PIEZO2: variants seen among roughly 807,000 people sequenced by gnomAD.
The protein encoded by PIEZO2 is piezo type mechanosensitive ion channel component 2, also known as piezo-type mechanosensitive ion channel component 2.
In PIEZO2, 172 loss-of-function variants were observed where a neutral mutation model predicts 337.3. The observed-to-expected ratio is 0.51, with a 90% CI of 0.45 to 0.58. The LOEUF (loss-of-function observed/expected upper bound fraction) is 0.58, where lower values mean the gene tolerates loss of function less well. PIEZO2 is among the 20% of genes least tolerant of loss of function. The pLI is 0.00. For missense variants in PIEZO2, 3,028 were observed against 3,391.3 expected (o/e 0.89, Z 2.66); for synonymous variants, 1,251 against 1,228.5 (o/e 1.02, Z -0.38).
intron 1 of PIEZO2, among the ~76,000 whole-genome samples, chr18:11,100,915 G>C (rs1244351126): frequency 6.6e-6 from 1 of 152,110 alleles, no homozygotes; most frequent in Admixed American, 6.6e-5. Context: ...CTTTTATAAT[G>C]CTTCAACAAA....
intron 7 of PIEZO2, among the ~76,000 whole-genome samples, chr18:10,843,804 A>C (rs1273378841): frequency 1.3e-5 from 2 of 152,162 alleles, no homozygotes; most frequent in Non-Finnish European, 2.9e-5. Flanking sequence ...TGCATCCAAC[A>C]AGAGTAGCTC....
intron 3 of PIEZO2, among the ~76,000 whole-genome samples, chr18:10,931,435 G>A (rs915812930): frequency 2.0e-5 from 3 of 152,070 alleles, no homozygotes; most frequent in East Asian, 3.9e-4. Context: ...TCCTGACCTC[G>A]TGATCCGCCT....
At chr18:10,932,336 C>T (rs999804343) in intron 3 of PIEZO2, among the ~76,000 whole-genome samples, 8 of 152,060 alleles carry the variant, frequency 5.3e-5, no homozygotes, top group Non-Finnish European at 1.0e-4. Flanking sequence ...GTCGAGCCAG[C>T]AGTGAGCCAT....
At chr18:11,147,936 G>T (rs377699364) in intron 1 of PIEZO2, among the ~76,000 whole-genome samples, 1 of 152,244 alleles carries the variant, frequency 6.6e-6, no homozygotes, top group Non-Finnish European at 1.5e-5. Context: ...TATAGCCTTA[G>T]CATCCAGTAC....
Position 11,076,350 on chromosome 18 carries a change from A to G in PIEZO2, c.65-10128T>C, listed in dbSNP as rs138235706. ...AAACAAGACTTTTACAAGATAATAGATTATAAGGACTTGTATTAGAAAATC... is the reference window on the plus strand; with the variant it reads ...AAACAAGACTTTTACAAGATAATAGGTTATAAGGACTTGTATTAGAAAATC... On this transcript the variant is annotated intron_variant, in intron 1 of 55. Coordinates refer to ENST00000674853, the MANE Select transcript of PIEZO2 (RefSeq NM_001378183.1). Among the ~76,000 whole-genome samples, 815 of 152,360 alleles carry G rather than the reference A, an allele frequency of 5.3e-3. 7 individuals are homozygous for G. Among genetic ancestry groups the G allele is most frequent in the South Asian group, 0.022 (108 of 4,830 alleles).
chr18:11,080,017 T>A lies in PIEZO2; in HGVS notation c.65-13795A>T, dbSNP rs2038682999. 6.6e-6 allele frequency among the ~76,000 whole-genome samples: 1 copy of A among 152,114 alleles called. No homozygotes were observed. The highest frequency in any genetic ancestry group is 1.5e-5 in the Non-Finnish European group (1 of 68,016). On this transcript the variant is annotated intron_variant, in intron 1 of 55. Transcript: ENST00000674853. The surrounding 1 kb of genome is among the most constrained non-coding windows in gnomAD (Gnocchi z 5.4). ...GTCAATATCCACCATTTAGAGGAAG[T>A]TAAGGCTCAGAAGGATGCACACACT...
intron 2 of PIEZO2, among the ~76,000 whole-genome samples, chr18:11,011,756 C>T (rs985894363): frequency 1.3e-5 from 2 of 152,330 alleles, no homozygotes; most frequent in Admixed American, 6.5e-5. Flanking sequence ...GGCAGAGCTG[C>T]CCCTTGATGT....
intron 1 of PIEZO2, among the ~76,000 whole-genome samples, chr18:11,088,554 GTTAA>G (rs1409690341): frequency 2.0e-5 from 3 of 152,162 alleles, no homozygotes; most frequent in Non-Finnish European, 2.9e-5. Context: ...TTATTAATGT[GTTAA>G]TTGTTTTCTT....
intron 3 of PIEZO2, among the ~76,000 whole-genome samples, chr18:10,958,460 CA>C (rs1188722959): frequency 7.9e-5 from 12 of 152,136 alleles, no homozygotes; most frequent in Non-Finnish European, 1.6e-4. Context: ...TAAGTGTTTG[CA>C]ATCTATTGCA....
At chr18:11,030,249 GACA>G (rs2036682491) in intron 2 of PIEZO2, among the ~76,000 whole-genome samples, 2 of 152,158 alleles carry the variant, frequency 1.3e-5, no homozygotes, top group South Asian at 4.2e-4. Context: ...TGATGAAAAT[GACA>G]ACTATAGTGA....
intron 23 of PIEZO2, 105 bp downstream of exon 23, chr18:10,762,395 A>C (rs2038171472): frequency 1.5e-6 from 2 of 1,341,030 alleles, no homozygotes; most frequent in Non-Finnish European, 2.0e-6. Context: ...CCACATGAGA[A>C]GATATGGTTA....
intron 4 of PIEZO2, among the ~76,000 whole-genome samples, chr18:10,897,771 A>G (rs2042940857): frequency 6.6e-6 from 1 of 152,248 alleles, no homozygotes; most frequent in Non-Finnish European, 1.5e-5. Context: ...TCCAATCTGT[A>G]ACCAACAAAC....
intron 4 of PIEZO2, among the ~76,000 whole-genome samples, chr18:10,883,712 C>T (rs917554779): frequency 4.6e-5 from 7 of 152,034 alleles, no homozygotes; most frequent in Admixed American, 4.6e-4. Flanking sequence ...CTTATTCTTC[C>T]TGGTGTACCT....
At chr18:10,990,318 TAGG>T (rs1014591459) in intron 2 of PIEZO2, among the ~76,000 whole-genome samples, 4 of 152,082 alleles carry the variant, frequency 2.6e-5, no homozygotes, top group African/African-American at 9.7e-5. Context: ...AGATGGGAAA[TAGG>T]AGTGAGAATT....
intron 9 of PIEZO2, among the ~76,000 whole-genome samples, chr18:10,802,089 A>C (rs1350583072): frequency 1.2e-5 from 1 of 85,044 alleles, no homozygotes; most frequent in Admixed American, 1.2e-4. Context: ...CCGTCTCAAA[A>C]AAAAAAAAAA....
intron 28 of PIEZO2, 41 bp downstream of exon 28, chr18:10,752,595 C>A (rs2037689662): frequency 6.5e-7 from 1 of 1,529,046 alleles, no homozygotes; most frequent in South Asian, 1.2e-5. Flanking sequence ...TTTACTCTTA[C>A]ACGAAAACCG....
At chr18:11,056,031 C>A (rs967292599) in intron 2 of PIEZO2, among the ~76,000 whole-genome samples, 1 of 152,180 alleles carries the variant, frequency 6.6e-6, no homozygotes, top group Non-Finnish European at 1.5e-5. Context: ...TGGGGCAATT[C>A]CCTTGCAGGG....
At chr18:10,725,076 C>T in intron 36 of PIEZO2, 1 of 1,521,312 alleles carries the variant, frequency 6.6e-7, no homozygotes, top group Admixed American at 1.7e-5. Flanking sequence ...GTGAGGGAGA[C>T]AAGTTCTTTC....
chr18:11,073,095 C>T (rs756602582), intron 1 of PIEZO2, among the ~76,000 whole-genome samples: 7 of 152,128 alleles, frequency 4.6e-5, no homozygotes, highest in African/African-American at 7.2e-5. Context: ...ACTTCGGAGG[C>T]GGGAGAACAG....
Sources: gnomAD v4.1 joint callset for allele counts (sites outside exome capture counted in the v4.1 genomes callset) on GRCh38, gnomAD v4.1.1 for gene constraint, Gnocchi (gnomAD v3.1) non-coding constraint, MANE v1.5 for transcripts, NCBI Gene and HGNC (gene_info 2026-07-23, HGNC 2026-07-21) for gene names.